CCDC6: variants seen among roughly 807,000 people sequenced by gnomAD.
CCDC6 encodes the protein coiled-coil domain containing 6, also known as coiled-coil domain-containing protein 6.
CCDC6 carries 20 observed loss-of-function variants against 56.6 expected under a neutral mutation model. That is an observed-to-expected ratio of 0.35 (90% CI 0.25 to 0.51). CCDC6 has a LOEUF of 0.51. Ranked by LOEUF, CCDC6 falls within the 20% of genes least tolerant of loss-of-function variation. CCDC6 has a pLI of 0.95. For missense variants in CCDC6, 367 were observed against 601.1 expected (o/e 0.61, Z 4.07); for synonymous variants, 241 against 234.4 (o/e 1.03, Z -0.26).
intron 6 of CCDC6, 96 bp from the exon 7 acceptor site, chr10:59,804,616 G>A: frequency 1.4e-6 from 1 of 733,514 alleles, no homozygotes; most frequent in Non-Finnish European, 2.5e-6. Context: ...ACACCTTGAG[G>A]TCAAAATCCT....
intron 3 of CCDC6, among the ~76,000 whole-genome samples, chr10:59,828,685 G>A (rs1287378462): frequency 2.0e-5 from 3 of 152,138 alleles, no homozygotes; most frequent in Non-Finnish European, 2.9e-5. Flanking sequence ...AAGGGAGCAT[G>A]AGCAAGCTGG....
At chr10:59,857,650 C>T (rs2071090927) in intron 1 of CCDC6, among the ~76,000 whole-genome samples, 1 of 152,036 alleles carries the variant, frequency 6.6e-6, no homozygotes, top group Non-Finnish European at 1.5e-5. Flanking sequence ...GTTCAAGTGC[C>T]TACCAAGATA....
intron 6 of CCDC6, chr10:59,805,708 G>T (rs758489138): frequency 6.6e-5 from 10 of 152,234 alleles, no homozygotes; most frequent in East Asian, 1.9e-4. Context: ...TTTTGAGAAA[G>T]AATAATCTTT....
chr10:59,840,094 G>A (rs547041658), intron 2 of CCDC6, among the ~76,000 whole-genome samples: 4 of 152,220 alleles, frequency 2.6e-5, no homozygotes, highest in African/African-American at 9.6e-5. Context: ...AAAGTGCTGG[G>A]ATTACAGGCA....
At chr10:59,799,315 C>G (rs1455849488) in intron 7 of CCDC6, among the ~76,000 whole-genome samples, 2 of 151,846 alleles carry the variant, frequency 1.3e-5, no homozygotes, top group Non-Finnish European at 2.9e-5. Context: ...GCCTGTAATC[C>G]CAGCTACTTG....
intron 2 of CCDC6, among the ~76,000 whole-genome samples, chr10:59,838,818 C>T (rs1475223116): frequency 6.6e-6 from 1 of 152,180 alleles, no homozygotes; most frequent in African/African-American, 2.4e-5. Flanking sequence ...TGCTGTGCCT[C>T]TGCCTATAGG....
intron 3 of CCDC6, among the ~76,000 whole-genome samples, chr10:59,816,011 A>G (rs2070707132): frequency 6.6e-6 from 1 of 152,234 alleles, no homozygotes; most frequent in Non-Finnish European, 1.5e-5. Flanking sequence ...GCTTAGTCTT[A>G]AGAAGCAACA....
At chr10:59,882,071 G>GGGGGAGAAGGAAAGGAAAGC (rs2071343205) in intron 1 of CCDC6, among the ~76,000 whole-genome samples, 1 of 32,124 alleles carries the variant, frequency 3.1e-5, no homozygotes, top group East Asian at 7.2e-4. Context: ...AAGGAAAGCC[G>GGGGGAGAAGGAAAGGAAAGC]CGGGGAGAAG....
intron 8 of CCDC6, 133 bp downstream of exon 8, chr10:59,794,338 TAC>T (rs1221174255): frequency 2.9e-5 from 24 of 833,196 alleles, no homozygotes; most frequent in Non-Finnish European, 4.5e-5. Flanking sequence ...TTTAAGTCTC[TAC>T]AGTTTCAAGG....
At chr10:59,802,885 G>T (rs187250507) in intron 7 of CCDC6, among the ~76,000 whole-genome samples, 1 of 152,224 alleles carries the variant, frequency 6.6e-6, no homozygotes, top group Non-Finnish European at 1.5e-5. Flanking sequence ...AAGGCTTTAC[G>T]TTTAAATAAA....
At chr10:59,844,567 T>C (rs929344035) in intron 2 of CCDC6, among the ~76,000 whole-genome samples, 1 of 149,018 alleles carries the variant, frequency 6.7e-6, no homozygotes, top group Non-Finnish European at 1.5e-5. Flanking sequence ...CTGGCCAACA[T>C]GGTAAAACCC....
At chr10:59,807,109 G>T in intron 5 of CCDC6, 31 bp from the exon 6 acceptor site, 1 of 1,603,042 alleles carries the variant, frequency 6.2e-7, no homozygotes, top group Non-Finnish European at 8.5e-7. Flanking sequence ...ATTAAACCAT[G>T]TTTCATGCAA....
chr10:59,836,052 T>TAAAAAAAA (rs59353306), intron 2 of CCDC6, among the ~76,000 whole-genome samples: 1 of 57,596 alleles, frequency 1.7e-5, no homozygotes, highest in African/African-American at 6.6e-5. Flanking sequence ...CGACCCTGTC[T>TAAAAAAAA]AAAAAAAAAA....
At chr10:59,902,641 C>T (rs187258258) in intron 1 of CCDC6, among the ~76,000 whole-genome samples, 15 of 152,164 alleles carry the variant, frequency 9.9e-5, no homozygotes, top group Admixed American at 7.2e-4. Context: ...TGAGGTGATC[C>T]GCCTGCCTTG....
intron 8 of CCDC6, 89 bp from the exon 9 acceptor site, chr10:59,793,200 C>A: frequency 1.0e-6 from 1 of 963,888 alleles, no homozygotes; most frequent in Admixed American, 2.4e-5. Context: ...TGGGGCTAAT[C>A]AAACACTAAC....
chr10:59,797,357 CT>C (rs1369288814), intron 7 of CCDC6, among the ~76,000 whole-genome samples: 2 of 151,710 alleles, frequency 1.3e-5, no homozygotes, highest in Non-Finnish European at 2.9e-5. Flanking sequence ...GAGGATAGAT[CT>C]TATATTGAGA....
chr10:59,846,959 G>C (rs2070997131), intron 2 of CCDC6, among the ~76,000 whole-genome samples: 1 of 152,210 alleles, frequency 6.6e-6, no homozygotes, highest in Non-Finnish European at 1.5e-5. Flanking sequence ...ATCCACAATT[G>C]CTAAAACCAT....
intron 2 of CCDC6, among the ~76,000 whole-genome samples, chr10:59,842,750 ATTTTTT>A (rs3043541): frequency 8.7e-6 from 1 of 115,534 alleles, no homozygotes; most frequent in African/African-American, 3.4e-5. Context: ...ATGGAAGACA[ATTTTTT>A]TTTTTTTTTT....
chr10:59,801,448 A>T (rs949735471), intron 7 of CCDC6, among the ~76,000 whole-genome samples: 3 of 152,146 alleles, frequency 2.0e-5, no homozygotes, highest in Admixed American at 2.0e-4. Context: ...CTGGCAGCTA[A>T]CCACTCCCTT....
Sources: allele counts gnomAD v4.1 joint callset (sites outside exome capture counted in the v4.1 genomes callset), GRCh38; gene constraint gnomAD v4.1.1; transcripts MANE v1.5; gene names NCBI Gene and HGNC (gene_info 2026-07-23, HGNC 2026-07-21).